The following CCDC192 variants were observed in gnomAD, a reference collection of about 807,000 sequenced individuals.
The protein encoded by CCDC192 is coiled-coil domain-containing protein 192.
chr5:127,880,222 A>C (rs1752290285), intron 6 of CCDC192, among the ~76,000 whole-genome samples: 1 of 151,574 alleles, frequency 6.6e-6, no homozygotes, highest in Non-Finnish European at 1.5e-5. Flanking sequence ...ACAATGATAG[A>C]CTGGATTAAG....
chr5:127,774,252 T>C (rs540234910), intron 3 of CCDC192, among the ~76,000 whole-genome samples: 6 of 152,326 alleles, frequency 3.9e-5, no homozygotes, highest in Non-Finnish European at 8.8e-5. Context: ...ACACAAGTTC[T>C]CAATTTTGGC....
intron 2 of CCDC192, among the ~76,000 whole-genome samples, chr5:127,734,709 G>C (rs1460083108): frequency 1.4e-5 from 2 of 146,360 alleles, no homozygotes; most frequent in East Asian, 4.0e-4. Flanking sequence ...GTGTTTTTTG[G>C]CTGCATAAAT....
At chr5:127,848,272 G>T (rs972626082) in intron 5 of CCDC192, among the ~76,000 whole-genome samples, 1 of 152,090 alleles carries the variant, frequency 6.6e-6, no homozygotes, top group Non-Finnish European at 1.5e-5. Context: ...TATTCAGAGG[G>T]TCATAAAACA....
intron 5 of CCDC192, among the ~76,000 whole-genome samples, chr5:127,843,284 C>T (rs368343616): frequency 3.8e-4 from 57 of 151,866 alleles, no homozygotes; most frequent in African/African-American, 1.3e-3. Context: ...GTAATCCACC[C>T]GCCTCAGCCT....
At chr5:127,756,014 T>G (rs998962564) in intron 3 of CCDC192, among the ~76,000 whole-genome samples, 1 of 151,836 alleles carries the variant, frequency 6.6e-6, no homozygotes, top group Admixed American at 6.6e-5. Context: ...GCACCTGTAG[T>G]CCCAGGTACT....
intron 3 of CCDC192, among the ~76,000 whole-genome samples, chr5:127,763,444 C>T (rs927036831): frequency 2.0e-5 from 3 of 152,176 alleles, no homozygotes; most frequent in Non-Finnish European, 2.9e-5. Context: ...TTTGTCCAGG[C>T]TACCTTCTGC....
chr5:127,838,067 T>C (rs1750110176), intron 5 of CCDC192, among the ~76,000 whole-genome samples: 1 of 152,182 alleles, frequency 6.6e-6, no homozygotes, highest in African/African-American at 2.4e-5. Context: ...AAGTATTGGT[T>C]ATGCAAAGAG....
intron 2 of CCDC192, among the ~76,000 whole-genome samples, chr5:127,753,290 C>T (rs1167421842): frequency 6.6e-6 from 1 of 152,148 alleles, no homozygotes; most frequent in Non-Finnish European, 1.5e-5. Context: ...TATTAAGTAT[C>T]ACAATAGCAA....
chr5:127,714,240 C>G (rs988042621), intron 2 of CCDC192, among the ~76,000 whole-genome samples: 4 of 152,156 alleles, frequency 2.6e-5, no homozygotes, highest in Admixed American at 6.5e-5. Flanking sequence ...GTCACTCATC[C>G]ACTGATGGAC....
chr5:127,788,182 T>C (rs1039020616), intron 3 of CCDC192, among the ~76,000 whole-genome samples: 3 of 152,088 alleles, frequency 2.0e-5, no homozygotes, highest in Non-Finnish European at 2.9e-5. Context: ...AGTTGCTTCA[T>C]GTATTTTGGG....
intron 5 of CCDC192, among the ~76,000 whole-genome samples, chr5:127,831,271 T>C (rs1012351803): frequency 6.6e-6 from 1 of 151,818 alleles, no homozygotes; most frequent in Non-Finnish European, 1.5e-5. Context: ...TTAATTGTAG[T>C]AAAAATTAAA....
chr5:127,759,491 A>G (rs1580610320), intron 3 of CCDC192, among the ~76,000 whole-genome samples: 1 of 135,412 alleles, frequency 7.4e-6, no homozygotes, highest in African/African-American at 3.0e-5. Flanking sequence ...GCAGACCCTC[A>G]TAAGACACCA....
At chr5:127,744,093 CA>C (rs35375542) in intron 2 of CCDC192, among the ~76,000 whole-genome samples, 89 of 50,040 alleles carry the variant, frequency 1.8e-3, no homozygotes, top group African/African-American at 2.7e-3. Flanking sequence ...GACTCCGTCT[CA>C]AAAAAAAAAA....
chr5:127,761,286 C>T (rs1169225796), intron 3 of CCDC192, among the ~76,000 whole-genome samples: 1 of 152,166 alleles, frequency 6.6e-6, no homozygotes, highest in African/African-American at 2.4e-5. Flanking sequence ...AGTGGGAACA[C>T]AGCAGTAAAC....
intron 5 of CCDC192, among the ~76,000 whole-genome samples, chr5:127,827,004 T>C (rs888056745): frequency 1.3e-5 from 2 of 152,154 alleles, no homozygotes; most frequent in Non-Finnish European, 2.9e-5. Context: ...GTAAAACTTG[T>C]GTGTATATTT....
At chr5:127,848,088 T>C (rs377571138) in intron 5 of CCDC192, among the ~76,000 whole-genome samples, 1 of 152,064 alleles carries the variant, frequency 6.6e-6, no homozygotes, top group East Asian at 2.0e-4. Context: ...ATTTTTTTTT[T>C]AATCTCTATG....
At chr5:127,787,055 C>A in intron 3 of CCDC192, 2 of 300,094 alleles carry the variant, frequency 6.7e-6, no homozygotes, top group South Asian at 8.9e-5. Context: ...GAGGGATGTT[C>A]TAAAGCTGTC....
At chr5:127,722,516 A>G (rs1157056892) in intron 2 of CCDC192, among the ~76,000 whole-genome samples, 2 of 152,060 alleles carry the variant, frequency 1.3e-5, no homozygotes, top group African/African-American at 2.4e-5. Flanking sequence ...ATGGAGTATT[A>G]CTCAAGAAAT....
chr5:127,793,540 G>A (rs1289050044), intron 3 of CCDC192, among the ~76,000 whole-genome samples: 1 of 152,162 alleles, frequency 6.6e-6, no homozygotes, highest in Non-Finnish European at 1.5e-5. Context: ...AGGAATGGAG[G>A]CAGACAAATG....
Sources: gnomAD v4.1 joint callset for allele counts (sites outside exome capture counted in the v4.1 genomes callset) on GRCh38, gnomAD v4.1.1 for gene constraint, MANE v1.5 for transcripts, NCBI Gene and HGNC (gene_info 2026-07-23, HGNC 2026-07-21) for gene names.